The following YAP1 variants were observed in gnomAD, a reference collection of about 807,000 sequenced individuals.
YAP1 encodes Yes1 associated transcriptional regulator.
A neutral mutation model predicts 56.9 loss-of-function variants in YAP1; 5 were observed. That is an observed-to-expected ratio of 0.09 (90% CI 0.05 to 0.18). The LOEUF (loss-of-function observed/expected upper bound fraction) is 0.18, where lower values mean the gene tolerates loss of function less well. Ranked by LOEUF, YAP1 falls within the 10% of genes least tolerant of loss-of-function variation. The pLI, the probability that YAP1 is intolerant of heterozygous loss-of-function variation, is 1.00. For synonymous variants in YAP1, 265 were observed against 248.1 expected, an observed-to-expected ratio of 1.07 and a Z score of -0.64; for missense variants, 539 against 651.8, an observed-to-expected ratio of 0.83 and a Z score of 1.88.
intron 2 of YAP1, among the ~76,000 whole-genome samples, chr11:102,131,619 T>A (rs568139917): frequency 6.6e-6 from 1 of 152,356 alleles, no homozygotes; most frequent in East Asian, 1.9e-4. Flanking sequence ...TCTTCCTGAT[T>A]GATGACTGTA....
rs1182593083 is a variant in YAP1, at chr11:102,110,888, C to A, written c.40C>A (p.Gln14Lys). ...GCAGCCGCCGCCTCAACCGGCCCCC[C>A]AGGGCCAAGGGCAGCCGCCTTCGCA... ...GQQPPPQPAP[Q>K]GQGQPPSQPP... Residue 14 changes from glutamine (Q) to lysine (K), a missense_variant, in exon 1 of 9, where the codon CAG (glutamine) becomes AAG (lysine). This residue lies in a region of YAP1 where 106 missense variants were observed against 86.6 expected (regional missense o/e 1.22). Transcript: ENST00000282441. 24 of 1,432,814 alleles carry A rather than the reference C, an allele frequency of 1.7e-5. No individual in the cohort carries two copies. The highest frequency in any genetic ancestry group is 2.2e-5 in the Non-Finnish European group (24 of 1,091,852). 88.8% of individuals were successfully genotyped at this position (1,432,814 alleles called of 1,614,324 possible).
chr11:102,221,806 G>T (rs1386110218), intron 6 of YAP1, among the ~76,000 whole-genome samples: 1 of 151,758 alleles, frequency 6.6e-6, no homozygotes, highest in Non-Finnish European at 1.5e-5. Flanking sequence ...ATCATAAATG[G>T]TATTTTAAAA....
At chr11:102,195,540 G>A (rs1350640352) in intron 4 of YAP1, among the ~76,000 whole-genome samples, 1 of 152,068 alleles carries the variant, frequency 6.6e-6, no homozygotes, top group African/African-American at 2.4e-5. Context: ...TGTTGTGGGA[G>A]GGACCAGGTG....
chr11:102,115,599 C>CTTCT (rs544075748), intron 2 of YAP1, among the ~76,000 whole-genome samples: 35 of 150,448 alleles, frequency 2.3e-4, no homozygotes, highest in Non-Finnish European at 4.6e-4. Flanking sequence ...TTCTTTTCTT[C>CTTCT]TTTTTTTTTA....
At chr11:102,212,810 A>G (rs1213448454) in intron 6 of YAP1, among the ~76,000 whole-genome samples, 1 of 152,038 alleles carries the variant, frequency 6.6e-6, no homozygotes, top group Non-Finnish European at 1.5e-5. Flanking sequence ...TGAACTCCCA[A>G]CCTCAGGTGA....
chr11:102,176,773 AAAAG>A (rs1947283464), intron 3 of YAP1, among the ~76,000 whole-genome samples: 3 of 143,526 alleles, frequency 2.1e-5, no homozygotes, highest in African/African-American at 5.3e-5. Context: ...AAAAAAAAAA[AAAAG>A]AGTAGAATTT....
chr11:102,202,553 A>G (rs1360791465), intron 4 of YAP1, among the ~76,000 whole-genome samples: 1 of 151,892 alleles, frequency 6.6e-6, no homozygotes, highest in African/African-American at 2.4e-5. Flanking sequence ...CTGAAAGTGT[A>G]CACAAAAAGG....
chr11:102,122,911 A>C (rs1359441844), intron 2 of YAP1, among the ~76,000 whole-genome samples: 1 of 150,910 alleles, frequency 6.6e-6, no homozygotes, highest in Non-Finnish European at 1.5e-5. Context: ...AAAAAAAAAA[A>C]AAAAAGCAAA....
At position 102,110,465 on chromosome 11, in the gene YAP1, C is replaced by T. The variant is rs7117894; in HGVS notation, c.-384C>T. 1,891 of 154,490 alleles carry T rather than the reference C, an allele frequency of 0.012. 45 individuals carry two copies. The highest frequency in any genetic ancestry group is 0.043 in the African/African-American group (1,806 of 41,582). The allele number at this position is 154,490 out of a possible 1,614,324, so 9.6% of individuals were successfully genotyped here. A position where few individuals can be genotyped will look rare whatever the true frequency, so the allele number is the denominator to read the frequency against. On this transcript the variant is annotated 5_prime_UTR_variant, in exon 1 of 9. Coordinates refer to ENST00000282441, the MANE Select transcript of YAP1 (RefSeq NM_001130145.3). ...TTTCTGTCTCAGTCGGGCGCAGCCG[C>T]CGCCAGGGAAAAGAAAGGGAGGAAG... is the stretch of plus-strand genomic sequence containing the variant.
intron 2 of YAP1, among the ~76,000 whole-genome samples, chr11:102,125,692 C>T (rs970348935): frequency 1.3e-5 from 2 of 152,084 alleles, no homozygotes; most frequent in Non-Finnish European, 2.9e-5. Context: ...GTGTATCATT[C>T]TTAATTTACA....
In YAP1 at chr11:102,209,495, C is replaced by G. The variant is rs202203661; in HGVS notation, c.985-22C>G. ...CCATGTGGCTTAAAGTAATTTTTATCCGTCTTATTTTTTACTCTTAGGCAA... is the reference window on the plus strand; with the variant it reads ...CCATGTGGCTTAAAGTAATTTTTATGCGTCTTATTTTTTACTCTTAGGCAA... On this transcript the variant is annotated intron_variant, in intron 5 of 8. Coordinates refer to ENST00000282441, the MANE Select transcript of YAP1 (RefSeq NM_001130145.3). The G allele has an allele frequency of 2.1e-5, 34 of 1,598,596 alleles. No homozygotes were observed. The African/African-American group carries it at 4.6e-4, about 22-fold the overall frequency.
intron 2 of YAP1, among the ~76,000 whole-genome samples, chr11:102,134,533 G>T (rs1385106523): frequency 6.8e-6 from 1 of 147,456 alleles, no homozygotes; most frequent in Admixed American, 6.8e-5. Context: ...ATATATTTAA[G>T]AATGCATAAA....
At chr11:102,193,215 C>A (rs1948389006) in intron 4 of YAP1, among the ~76,000 whole-genome samples, 2 of 152,252 alleles carry the variant, frequency 1.3e-5, no homozygotes, top group Middle Eastern at 3.4e-3. Flanking sequence ...GCTCTCACTA[C>A]ATTTTCTTTT....
chr11:102,135,332 G>C (rs1357310278), intron 2 of YAP1, among the ~76,000 whole-genome samples: 1 of 152,162 alleles, frequency 6.6e-6, no homozygotes, highest in Admixed American at 6.5e-5. Flanking sequence ...ACAAATTTGT[G>C]AATTAGGGAT....
At chr11:102,130,391 C>T (rs148867676) in intron 2 of YAP1, among the ~76,000 whole-genome samples, 6 of 152,010 alleles carry the variant, frequency 3.9e-5, no homozygotes, top group East Asian at 1.9e-4. Context: ...CAAGCTCTCC[C>T]GGATAATGAT....
chr11:102,205,836 A>G (rs1949091711), intron 4 of YAP1, 57 bp from the exon 5 acceptor site: 3 of 1,432,850 alleles, frequency 2.1e-6, no homozygotes, highest in Non-Finnish European at 2.8e-6. Flanking sequence ...TTAAATCATC[A>G]TTTTATCTTC....
chr11:102,131,610 C>T (rs1944371205), intron 2 of YAP1, among the ~76,000 whole-genome samples: 1 of 152,206 alleles, frequency 6.6e-6, no homozygotes, highest in South Asian at 2.1e-4. Context: ...GGTCGACAGT[C>T]TTCCTGATTG....
At chr11:102,202,854 C>T (rs1408916333) in intron 4 of YAP1, among the ~76,000 whole-genome samples, 1 of 152,194 alleles carries the variant, frequency 6.6e-6, no homozygotes, top group East Asian at 1.9e-4. Flanking sequence ...CTTCTCTCCT[C>T]ATGTAGTGCC....
At chr11:102,177,825 G>C (rs896813674) in intron 3 of YAP1, among the ~76,000 whole-genome samples, 2 of 152,136 alleles carry the variant, frequency 1.3e-5, no homozygotes, top group African/African-American at 4.8e-5. Flanking sequence ...GACCCTGTGA[G>C]AGGCATTAAA....
Sources: allele counts gnomAD v4.1 joint callset (sites outside exome capture counted in the v4.1 genomes callset), GRCh38; gene constraint gnomAD v4.1.1; regional missense constraint gnomAD v4.1.1; transcripts MANE v1.5; gene names NCBI Gene and HGNC (gene_info 2026-07-23, HGNC 2026-07-21).